NKAIN3: variants seen among roughly 807,000 people sequenced by gnomAD.
The protein encoded by NKAIN3 is sodium/potassium-transporting ATPase subunit beta-1-interacting protein 3.
A neutral mutation model predicts 30.2 loss-of-function variants in NKAIN3; 25 were observed. The ratio of observed to expected loss-of-function variants is 0.83; its 90% CI spans 0.60 to 1.16. The LOEUF (loss-of-function observed/expected upper bound fraction) is 1.16, where lower values mean the gene tolerates loss of function less well. Ranked by LOEUF, NKAIN3 falls within the 50% of genes most tolerant of loss-of-function variation. The probability of loss-of-function intolerance (pLI) is 0.00; values close to 1 mark genes in which losing one functional copy is unlikely to be tolerated. For missense variants in NKAIN3, 225 were observed against 254.1 expected, an observed-to-expected ratio of 0.89 and a Z score of 0.78; for synonymous variants, 91 against 89.6, an observed-to-expected ratio of 1.02 and a Z score of -0.09.
intron 1 of NKAIN3, among the ~76,000 whole-genome samples, chr8:62,350,919 A>C (rs1325728343): frequency 6.6e-6 from 1 of 151,764 alleles, no homozygotes; most frequent in Non-Finnish European, 1.5e-5. Flanking sequence ...CGAACTCCTG[A>C]CCTCAAGTGA....
At chr8:62,601,268 G>T (rs1285020495) in intron 3 of NKAIN3, among the ~76,000 whole-genome samples, 1 of 151,470 alleles carries the variant, frequency 6.6e-6, no homozygotes, top group Non-Finnish European at 1.5e-5. Flanking sequence ...TTTTCTTTTT[G>T]ATATCTTCCT....
At chr8:62,765,117 T>A (rs937336738) in intron 4 of NKAIN3, among the ~76,000 whole-genome samples, 1 of 151,354 alleles carries the variant, frequency 6.6e-6, no homozygotes, top group African/African-American at 2.4e-5. Context: ...TGTGGTGGTG[T>A]GTGCCTGTAA....
At chr8:62,616,458 A>G (rs1368540094) in intron 3 of NKAIN3, among the ~76,000 whole-genome samples, 1 of 152,178 alleles carries the variant, frequency 6.6e-6, no homozygotes, top group African/African-American at 2.4e-5. Flanking sequence ...ACTCAGGAGC[A>G]GCCAAACGGA....
chr8:62,296,118 A>G (rs1813819967), intron 1 of NKAIN3, among the ~76,000 whole-genome samples: 1 of 152,138 alleles, frequency 6.6e-6, no homozygotes, highest in Non-Finnish European at 1.5e-5. Context: ...GTGGACCTAA[A>G]ACTCTTTTTG....
intron 5 of NKAIN3, among the ~76,000 whole-genome samples, chr8:62,932,732 C>T (rs1185868491): frequency 6.6e-6 from 1 of 152,010 alleles, no homozygotes; most frequent in African/African-American, 2.4e-5. Context: ...ATGGAGAATG[C>T]CTCTTTTTTA....
At chr8:62,775,931 C>G (rs934376276) in intron 4 of NKAIN3, among the ~76,000 whole-genome samples, 4 of 152,034 alleles carry the variant, frequency 2.6e-5, no homozygotes, top group Non-Finnish European at 5.9e-5. Flanking sequence ...CTACCTCTCT[C>G]TAGCTCAAAT....
intron 4 of NKAIN3, among the ~76,000 whole-genome samples, chr8:62,869,858 C>T (rs1820539454): frequency 6.6e-6 from 1 of 152,120 alleles, no homozygotes; most frequent in South Asian, 2.1e-4. Flanking sequence ...AGCTCCGCCT[C>T]CCGAGTTCAC....
chr8:62,863,316 A>T, intron 4 of NKAIN3: 10 of 1,549,804 alleles, frequency 6.5e-6, no homozygotes, highest in Non-Finnish European at 8.8e-6. Context: ...ACCCTGAAGG[A>T]GGAGGAATAC....
chr8:62,318,256 T>G (rs1471696660), intron 1 of NKAIN3, among the ~76,000 whole-genome samples: 4 of 152,152 alleles, frequency 2.6e-5, no homozygotes, highest in Non-Finnish European at 5.9e-5. Context: ...TTTTCCTAAT[T>G]GAATACCCTT....
At chr8:62,854,947 G>A (rs1281091579) in intron 4 of NKAIN3, 2 of 153,050 alleles carry the variant, frequency 1.3e-5, no homozygotes, top group East Asian at 1.9e-4. Flanking sequence ...GCCTGCCTAA[G>A]CATTTGCCTG....
chr8:62,406,377 G>A (rs1362023807), intron 1 of NKAIN3, among the ~76,000 whole-genome samples: 1 of 152,076 alleles, frequency 6.6e-6, no homozygotes, highest in African/African-American at 2.4e-5. Context: ...AGAAATATGT[G>A]AAAGTTAGAT....
intron 1 of NKAIN3, among the ~76,000 whole-genome samples, chr8:62,548,130 C>T (rs1189746969): frequency 2.0e-5 from 3 of 152,132 alleles, no homozygotes; most frequent in African/African-American, 7.2e-5. Context: ...TGGACTCCTA[C>T]CTGCACACAA....
chr8:62,270,500 G>T (rs1006884221), intron 1 of NKAIN3, among the ~76,000 whole-genome samples: 5 of 152,004 alleles, frequency 3.3e-5, no homozygotes, highest in African/African-American at 1.2e-4. Flanking sequence ...TATAATTTAT[G>T]AGAACTATGT....
At chr8:62,484,123 C>A (rs1806825629) in intron 1 of NKAIN3, among the ~76,000 whole-genome samples, 1 of 152,176 alleles carries the variant, frequency 6.6e-6, no homozygotes, top group South Asian at 2.1e-4. Flanking sequence ...AGGGTAAAGC[C>A]AGCCCTTCCC....
At chr8:62,848,251 T>C (rs1819753011) in intron 4 of NKAIN3, among the ~76,000 whole-genome samples, 1 of 152,244 alleles carries the variant, frequency 6.6e-6, no homozygotes, top group Admixed American at 6.5e-5. Context: ...ACTGAATCTA[T>C]AAATTGCTTT....
intron 4 of NKAIN3, among the ~76,000 whole-genome samples, chr8:62,864,842 T>C (rs1480295448): frequency 6.6e-6 from 1 of 152,106 alleles, no homozygotes; most frequent in Non-Finnish European, 1.5e-5. Flanking sequence ...CATAAACACT[T>C]CACGGAAGAC....
chr8:62,388,358 C>G (rs896709184), intron 1 of NKAIN3, among the ~76,000 whole-genome samples: 6 of 152,186 alleles, frequency 3.9e-5, no homozygotes, highest in African/African-American at 1.2e-4. Flanking sequence ...TAGCTACCTC[C>G]AAGCTAATAG....
intron 1 of NKAIN3, among the ~76,000 whole-genome samples, chr8:62,370,343 T>C (rs1816868781): frequency 6.6e-6 from 1 of 152,050 alleles, no homozygotes; most frequent in Non-Finnish European, 1.5e-5. Flanking sequence ...TTTTCTTATA[T>C]GATTCAGCCA....
At chr8:62,828,094 T>A (rs529187630) in intron 4 of NKAIN3, among the ~76,000 whole-genome samples, 132 of 151,774 alleles carry the variant, frequency 8.7e-4, no homozygotes, top group African/African-American at 2.9e-3. Context: ...AAAAAAAAAA[T>A]TTAAAAAAAC....
Sources: allele counts gnomAD v4.1 joint callset (sites outside exome capture counted in the v4.1 genomes callset), GRCh38; gene constraint gnomAD v4.1.1; transcripts MANE v1.5; gene names NCBI Gene and HGNC (gene_info 2026-07-23, HGNC 2026-07-21).